ZNF366: variants seen among roughly 807,000 people sequenced by gnomAD.
The protein encoded by ZNF366 is dendritic cell-specific transcript protein.
A neutral mutation model predicts 47.2 loss-of-function variants in ZNF366; 20 were observed. The observed-to-expected ratio is 0.42, with a 90% confidence interval of 0.30 to 0.62. ZNF366 has a LOEUF of 0.62. ZNF366 is among the 20% of genes least tolerant of loss of function. The pLI is 0.16. For missense variants in ZNF366, 987 were observed against 976.3 expected, an observed-to-expected ratio of 1.01 and a Z score of -0.15; for synonymous variants, 421 against 395.1, an observed-to-expected ratio of 1.07 and a Z score of -0.78.
intron 1 of ZNF366, among the ~76,000 whole-genome samples, chr5:72,483,936 ACT>A (rs1491446639): frequency 3.3e-5 from 5 of 152,120 alleles, no homozygotes; most frequent in African/African-American, 1.2e-4. Flanking sequence ...TAAAAAAAAA[ACT>A]TTTTATTAAG....
At chr5:72,460,008 G>A (rs1462403601) in intron 2 of ZNF366, among the ~76,000 whole-genome samples, 157 bp downstream of exon 2, 1 of 152,240 alleles carries the variant, frequency 6.6e-6, no homozygotes, top group East Asian at 1.9e-4. Context: ...CGTGAGGAAG[G>A]ACCTCAGGGC....
intron 3 of ZNF366, among the ~76,000 whole-genome samples, chr5:72,453,658 CA>C (rs1474109833): frequency 6.6e-6 from 1 of 152,188 alleles, no homozygotes; most frequent in Non-Finnish European, 1.5e-5. Context: ...TCTGTAAACC[CA>C]GACATGCTCT....
Position 72,507,374 on chromosome 5 carries a change from C to T in ZNF366, c.-138G>A. The stretch of plus-strand genomic sequence containing the variant: ...TACAGATTGCAGGGAACTTAAAGAA[C>T]TCGCAGGGACAGTGTTTCGAATGAC... On this transcript the variant is annotated 5_prime_UTR_variant, in exon 1 of 5. Coordinates refer to ENST00000318442, the MANE Select transcript of ZNF366 (RefSeq NM_152625.3). 1.0e-6 allele frequency: 1 copy of T among 985,390 alleles called. No individual in the cohort carries two copies. The highest frequency in any genetic ancestry group is 1.2e-6 in the Non-Finnish European group (1 of 829,970). 61.0% of individuals were successfully genotyped at this position (985,390 alleles called of 1,614,324 possible). A position where few individuals can be genotyped will look rare whatever the true frequency, so the allele number is the denominator to read the frequency against.
At chr5:72,473,079 C>G (rs10079381) in intron 1 of ZNF366, among the ~76,000 whole-genome samples, 30,219 of 152,176 alleles carry the variant, frequency 0.2, 3,190 homozygotes, top group East Asian at 0.4. Context: ...CTTATACAAT[C>G]ACCAGTACTT....
Position 72,443,943 on chromosome 5 carries a change from A to G in ZNF366, c.2048T>C (p.Leu683Pro). The G allele has an allele frequency of 2.5e-6, 4 of 1,614,120 alleles. No individual in the cohort carries two copies. Among genetic ancestry groups the G allele is most frequent in the South Asian group, 1.1e-5 (1 of 91,078 alleles). ...GEWEKRSKGD[L>P]GAEGGQERDC... ...TCTCTCCTGGCCGCCCTCTGCCCCAAGGTCACCCTTGCTCCTCTTCTCCCA... is the reference window on the plus strand; with the variant it reads ...TCTCTCCTGGCCGCCCTCTGCCCCAGGGTCACCCTTGCTCCTCTTCTCCCA... Residue 683 changes from leucine (L) to proline (P), a missense_variant, in exon 5 of 5, where the codon CTT (leucine) becomes CCT (proline). Physicochemically the swap from Leu to Pro is moderately conservative, Grantham distance 98. This residue lies in a region of ZNF366 where 285 missense variants were observed against 234.8 expected (regional missense o/e 1.21). Coordinates refer to ENST00000318442, the MANE Select transcript of ZNF366 (RefSeq NM_152625.3).
chr5:72,478,481 T>G (rs1743720995), intron 1 of ZNF366, among the ~76,000 whole-genome samples: 1 of 152,214 alleles, frequency 6.6e-6, no homozygotes, highest in Non-Finnish European at 1.5e-5. Context: ...TGAGCTGGCA[T>G]TCCACCCCAA....
chr5:72,445,769 C>T (rs1362439118), intron 4 of ZNF366, among the ~76,000 whole-genome samples: 1 of 152,174 alleles, frequency 6.6e-6, no homozygotes, highest in Non-Finnish European at 1.5e-5. Flanking sequence ...CCGGAAAAAT[C>T]CAGGTCTAGC....
At chr5:72,468,656 C>T (rs547319203) in intron 1 of ZNF366, among the ~76,000 whole-genome samples, 2 of 152,300 alleles carry the variant, frequency 1.3e-5, no homozygotes, top group East Asian at 3.9e-4. Context: ...TACTAACTTG[C>T]ATAGGTTAAA....
chr5:72,504,196 G>A (rs1443701804), intron 1 of ZNF366, among the ~76,000 whole-genome samples: 1 of 152,170 alleles, frequency 6.6e-6, no homozygotes, highest in East Asian at 1.9e-4. Flanking sequence ...TGAGGAGAGA[G>A]AACCCCAAGT....
At chr5:72,488,899 A>C (rs569741868) in intron 1 of ZNF366, among the ~76,000 whole-genome samples, 1 of 152,364 alleles carries the variant, frequency 6.6e-6, no homozygotes, top group East Asian at 1.9e-4. Flanking sequence ...CTCAGCTATA[A>C]AACAGAGACA....
At chr5:72,482,596 T>C (rs757220625) in intron 1 of ZNF366, among the ~76,000 whole-genome samples, 8 of 152,216 alleles carry the variant, frequency 5.3e-5, no homozygotes, top group Non-Finnish European at 7.3e-5. Flanking sequence ...ATTATGGGAT[T>C]ACAATACATT....
At chr5:72,499,360 A>C (rs1477659058) in intron 1 of ZNF366, among the ~76,000 whole-genome samples, 2 of 152,160 alleles carry the variant, frequency 1.3e-5, no homozygotes, top group Non-Finnish European at 2.9e-5. Flanking sequence ...CTCCTTGCCC[A>C]GATCTCTGAA....
chr5:72,449,268 T>C (rs1254216574), intron 3 of ZNF366, among the ~76,000 whole-genome samples: 1 of 144,490 alleles, frequency 6.9e-6, no homozygotes, highest in East Asian at 2.0e-4. Context: ...TTTTTTGAGA[T>C]GGAGTCTCGC....
intron 1 of ZNF366, among the ~76,000 whole-genome samples, chr5:72,481,518 A>G (rs570259948): frequency 6.6e-6 from 1 of 152,300 alleles, no homozygotes; most frequent in African/African-American, 2.4e-5. Flanking sequence ...CATCTCTATC[A>G]TTTCCTTAGA....
In ZNF366 at chr5:72,460,590, G is replaced by A. The variant is rs1005508482; in HGVS notation, c.907C>T (p.His303Tyr). Residue 303 changes from histidine to tyrosine, a missense_variant, in exon 2 of 5, where the codon CAC becomes TAC. Transcript: ENST00000318442. ...LSHLHTHMLT[H>Y]QGTRPHKCQV... is the part of the protein sequence containing the mutation. ...CACTTGTGGGGCCGCGTGCCCTGGTGGGTCAGCATGTGGGTATGCAGGTGG... is the reference window on the plus strand; with the variant it reads ...CACTTGTGGGGCCGCGTGCCCTGGTAGGTCAGCATGTGGGTATGCAGGTGG... The A allele has an allele frequency of 2.5e-6, 4 of 1,614,014 alleles. No individual in the cohort carries two copies. Among genetic ancestry groups the A allele is most frequent in the Non-Finnish European group, 3.4e-6 (4 of 1,180,050 alleles).
At chr5:72,490,421 G>T (rs1213167685) in intron 1 of ZNF366, among the ~76,000 whole-genome samples, 1 of 152,182 alleles carries the variant, frequency 6.6e-6, no homozygotes, top group Admixed American at 6.5e-5. Flanking sequence ...ATGAGATAGA[G>T]CTGAATAAAG....
chr5:72,494,979 T>A (rs1201011518), intron 1 of ZNF366, among the ~76,000 whole-genome samples: 1 of 152,190 alleles, frequency 6.6e-6, no homozygotes, highest in Non-Finnish European at 1.5e-5. Flanking sequence ...CTTGTAGTTT[T>A]ACGGCTTGCC....
At chr5:72,454,066 T>C (rs966743404) in intron 3 of ZNF366, among the ~76,000 whole-genome samples, 28 of 152,232 alleles carry the variant, frequency 1.8e-4, no homozygotes, top group Non-Finnish European at 3.8e-4. Flanking sequence ...AAGCTGTGCA[T>C]TGTTTCAAAG....
At chr5:72,485,801 C>A (rs1386412312) in intron 1 of ZNF366, among the ~76,000 whole-genome samples, 1 of 152,142 alleles carries the variant, frequency 6.6e-6, no homozygotes, top group Admixed American at 6.5e-5. Context: ...GATCTCATGC[C>A]CTACCACCTG....
Sources: gnomAD v4.1 joint callset for allele counts (sites outside exome capture counted in the v4.1 genomes callset) on GRCh38, gnomAD v4.1.1 for gene constraint, gnomAD v4.1.1 regional missense constraint, MANE v1.5 for transcripts, NCBI Gene and HGNC (gene_info 2026-07-23, HGNC 2026-07-21) for gene names.